MCC: variants seen among roughly 807,000 people sequenced by gnomAD.
MCC encodes the protein MCC regulator of Wnt signaling pathway.
A neutral mutation model predicts 116.2 loss-of-function variants in MCC; 90 were observed. The ratio of observed to expected loss-of-function variants is 0.77; its 90% confidence interval spans 0.65 to 0.92. MCC has a LOEUF of 0.92. MCC is among the 40% of genes least tolerant of loss of function. MCC has a pLI of 0.00. For missense variants in MCC, 1,516 were observed against 1,312.2 expected, an observed-to-expected ratio of 1.16 and a Z score of -2.40; for synonymous variants, 578 against 510.5, an observed-to-expected ratio of 1.13 and a Z score of -1.78.
chr5:113,179,443 G>A (rs1355622965), intron 3 of MCC, among the ~76,000 whole-genome samples: 1 of 152,210 alleles, frequency 6.6e-6, no homozygotes, highest in Non-Finnish European at 1.5e-5. Context: ...ACTCTGAAGT[G>A]ACTGGCTCTG....
chr5:113,242,064 C>T (rs1365438624), intron 3 of MCC, among the ~76,000 whole-genome samples: 1 of 152,088 alleles, frequency 6.6e-6, no homozygotes, highest in Non-Finnish European at 1.5e-5. Context: ...TTTTTCATTG[C>T]TTCTAACTCC....
rs144535089 is a variant in MCC, at chr5:113,074,070, T to C, written c.1785-2836A>G. ...ATGCAGTTTGAGCTCTGAGAATGGA[T>C]AGACTGCCTCCTCAAGTGGGTCCCT... On this transcript the variant is annotated intron_variant, in intron 11 of 18. Transcript: ENST00000408903. 2.1e-3 allele frequency among the ~76,000 whole-genome samples: 314 copies of C among 152,280 alleles called. 1 individual carries two copies. Among genetic ancestry groups the C allele is most frequent in the African/African-American group, 6.9e-3 (287 of 41,566 alleles).
At chr5:113,460,362 G>A (rs531190609) in intron 1 of MCC, among the ~76,000 whole-genome samples, 1 of 152,344 alleles carries the variant, frequency 6.6e-6, no homozygotes, top group South Asian at 2.1e-4. Flanking sequence ...CTGTTTGGAT[G>A]TGACTTTGCT....
chr5:113,068,125 G>C lies in MCC; in HGVS notation c.1984C>G (p.Leu662Val). 3.7e-6 allele frequency: 6 copies of C among 1,614,210 alleles called. No individual in the cohort carries two copies. The highest frequency in any genetic ancestry group is 5.1e-6 in the Non-Finnish European group (6 of 1,180,044). ...GCCGCTCGGAACTGCCCCAGGATGA[G>C]GCTCTGCTCACTCTCTGCCAGCGCC... is the stretch of plus-strand genomic sequence containing the variant. Reference protein sequence around the residue: ...LLALAESEQSLILGQFRAAGV... With the variant: ...LLALAESEQSVILGQFRAAGV... Residue 662 changes from leucine (L) to valine (V), a missense_variant, in exon 13 of 19, where the codon CTC becomes GTC. By Grantham distance (32) the Leu-to-Val change is conservative. Coordinates refer to ENST00000408903, the MANE Select transcript of MCC (RefSeq NM_001085377.2).
intron 5 of MCC, among the ~76,000 whole-genome samples, chr5:113,131,953 C>G (rs1175210813): frequency 6.6e-6 from 1 of 152,106 alleles, no homozygotes; most frequent in East Asian, 1.9e-4. Flanking sequence ...CTTATCCATA[C>G]CACAATTTCT....
rs370293501 is a variant in MCC, at chr5:113,238,569, A to T, written c.628-87147T>A. Among the ~76,000 whole-genome samples the T allele has an allele frequency of 1.9e-4, 29 of 152,356 alleles. No homozygotes were observed. In the East Asian group the frequency reaches 4.2e-3, roughly 22 times the overall value. ...TTGCTTACAGATTTTCCCCAAATTT[A>T]AGATTTTGTTATTGGTTGTATACAA... On this transcript the variant is annotated intron_variant, in intron 3 of 18. Coordinates refer to ENST00000408903, the MANE Select transcript of MCC (RefSeq NM_001085377.2).
At position 113,061,670 on chromosome 5, in the gene MCC, T is replaced by A. The variant is rs551541013; in HGVS notation, c.2213+2314A>T. Among the ~76,000 whole-genome samples, 5 of 152,334 alleles carry A rather than the reference T, an allele frequency of 3.3e-5. No individual in the cohort carries two copies. The South Asian group carries it at 6.2e-4, about 19-fold the overall frequency. On this transcript the variant is annotated intron_variant, in intron 14 of 18. Coordinates refer to ENST00000408903, the MANE Select transcript of MCC (RefSeq NM_001085377.2). ...TCTAAAACCATTAACCCTCCTGTCG[T>A]TAGGAGCTGCCTATGGGCTGCCAGA... is the stretch of plus-strand genomic sequence containing the variant.
intron 14 of MCC, among the ~76,000 whole-genome samples, chr5:113,057,573 C>T (rs750692200): frequency 2.0e-5 from 3 of 152,342 alleles, no homozygotes; most frequent in Middle Eastern, 3.4e-3. Context: ...TGAAATGAGG[C>T]AGCTCAAGGG....
Position 113,053,731 on chromosome 5 carries a change from G to T in MCC, c.2442C>A (p.Ala814=). The T allele has an allele frequency of 6.2e-7, 1 of 1,604,664 alleles. No homozygotes were observed. Among genetic ancestry groups the T allele is most frequent in the South Asian group, 1.1e-5 (1 of 90,910 alleles). The part of the protein sequence containing the change: ...ENAVLMQELM[A]MKEEMAELKA... ...GGACCCACCCACCACATACCTTCAT[G>T]GCCATGAGCTCCTGCATAAGCACTG... Residue 814 remains alanine (A), a synonymous_variant, in exon 15 of 19, where the codon GCC becomes GCA. Coordinates refer to ENST00000408903, the MANE Select transcript of MCC (RefSeq NM_001085377.2).
At position 113,049,445 on chromosome 5, in the gene MCC, G is replaced by C. The variant is rs115938206; in HGVS notation, c.2449-146C>G. 1,926 of 635,614 alleles carry C rather than the reference G, an allele frequency of 3.0e-3. 36 individuals are homozygous for C. In the African/African-American group the frequency reaches 0.032, roughly 11 times the overall value. The allele number at this position is 635,614 out of a possible 1,614,324, so 39.4% of individuals were successfully genotyped here. Reference sequence around the variant, plus strand: ...CACTTTGAAGTTGGCAGTAGGATGAGTGGGAGGAGACGTGGCACCTGTCAC... The same window carrying C: ...CACTTTGAAGTTGGCAGTAGGATGACTGGGAGGAGACGTGGCACCTGTCAC... On this transcript the variant is annotated intron_variant, in intron 15 of 18. Coordinates refer to ENST00000408903, the MANE Select transcript of MCC (RefSeq NM_001085377.2).
intron 3 of MCC, among the ~76,000 whole-genome samples, chr5:113,273,984 A>G (rs990620084): frequency 6.6e-6 from 1 of 152,192 alleles, no homozygotes; most frequent in Admixed American, 6.5e-5. Context: ...ACTGACATTC[A>G]GGGAAAGAGA....
At chr5:113,274,157 C>T (rs1024444822) in intron 3 of MCC, among the ~76,000 whole-genome samples, 5 of 152,238 alleles carry the variant, frequency 3.3e-5, no homozygotes, top group Non-Finnish European at 7.3e-5. Context: ...GACAGTACCA[C>T]TTCCTGTGAT....
chr5:113,318,842 A>G (rs975670439), intron 3 of MCC, among the ~76,000 whole-genome samples: 15 of 152,216 alleles, frequency 9.9e-5, no homozygotes, highest in Non-Finnish European at 2.9e-5. Flanking sequence ...AAGTTAAAAA[A>G]AATGAAAATT....
Position 113,027,040 on chromosome 5 carries a change from C to A in MCC, c.*262G>T. ...GTGAGTGCTGAAAGCAGAAACGAGG[C>A]TCTGCTGAGCAGGCACAGAACATGT... On this transcript the variant is annotated 3_prime_UTR_variant, in exon 19 of 19. Coordinates refer to ENST00000408903, the MANE Select transcript of MCC (RefSeq NM_001085377.2). 1 of 416,786 alleles carries A rather than the reference C, an allele frequency of 2.4e-6. No individual in the cohort carries two copies. Among genetic ancestry groups the A allele is most frequent in the Non-Finnish European group, 4.2e-6 (1 of 236,166 alleles). 25.8% of individuals were successfully genotyped at this position (416,786 alleles called of 1,614,324 possible). A position where few individuals can be genotyped will look rare whatever the true frequency, so the allele number is the denominator to read the frequency against.
chr5:113,119,837 T>C (rs1017196492), intron 6 of MCC, among the ~76,000 whole-genome samples: 1 of 152,186 alleles, frequency 6.6e-6, no homozygotes, highest in Non-Finnish European at 1.5e-5. Flanking sequence ...TATTTTTAAA[T>C]GAGGGACGGA....
At chr5:113,035,564 G>C (rs371632278) in intron 17 of MCC, among the ~76,000 whole-genome samples, 128 of 152,278 alleles carry the variant, frequency 8.4e-4, no homozygotes, top group African/African-American at 3.0e-3. Context: ...AGTGCTACTT[G>C]CTGGGCCTTT....
At chr5:113,481,856 CA>C (rs1258911063) in intron 1 of MCC, among the ~76,000 whole-genome samples, 1 of 152,164 alleles carries the variant, frequency 6.6e-6, no homozygotes, top group East Asian at 1.9e-4. Flanking sequence ...GTAAAACTAT[CA>C]CTACAACCAA....
chr5:113,351,074 T>TAC (rs1768255981), intron 2 of MCC, among the ~76,000 whole-genome samples: 1 of 152,072 alleles, frequency 6.6e-6, no homozygotes, highest in African/African-American at 2.4e-5. Context: ...GGAACCCTCA[T>TAC]ACACTGTTGG....
chr5:113,345,506 G>T (rs543155117), intron 2 of MCC, among the ~76,000 whole-genome samples: 1 of 152,236 alleles, frequency 6.6e-6, no homozygotes, highest in Non-Finnish European at 1.5e-5. Context: ...AGTCCTAGTG[G>T]TGGGAACCAC....
Sources: allele counts gnomAD v4.1 joint callset (sites outside exome capture counted in the v4.1 genomes callset), GRCh38; gene constraint gnomAD v4.1.1; transcripts MANE v1.5; gene names NCBI Gene and HGNC (gene_info 2026-07-23, HGNC 2026-07-21).